GABRG3: variants seen among roughly 807,000 people sequenced by gnomAD.
GABRG3 encodes gamma-aminobutyric acid receptor subunit gamma-3.
Under a neutral mutation model 48.8 loss-of-function variants are expected in GABRG3, and 25 were observed. The observed-to-expected ratio is 0.51, with a 90% CI of 0.37 to 0.72. The LOEUF is 0.72. Among genes scored for constraint, GABRG3 ranks in the 30% least tolerant of loss-of-function variants. The probability of loss-of-function intolerance (pLI) is 0.00; values close to 1 mark genes in which losing one functional copy is unlikely to be tolerated. For missense variants in GABRG3, 394 were observed against 577.9 expected (o/e 0.68, Z 3.26); for synonymous variants, 227 against 217.6 (o/e 1.04, Z -0.38).
intron 3 of GABRG3, among the ~76,000 whole-genome samples, chr15:27,271,164 G>A (rs964912129): frequency 3.3e-5 from 5 of 152,204 alleles, no homozygotes; most frequent in Non-Finnish European, 5.9e-5. Flanking sequence ...AGGAGGTCCT[G>A]CAGACAACAA....
chr15:27,428,544 T>C (rs190494690), intron 5 of GABRG3, among the ~76,000 whole-genome samples: 1 of 152,268 alleles, frequency 6.6e-6, no homozygotes, highest in Non-Finnish European at 1.5e-5. Flanking sequence ...TGCCAATTTA[T>C]TGACACTTTT....
intron 3 of GABRG3, among the ~76,000 whole-genome samples, chr15:27,036,729 T>C (rs1406219775): frequency 6.6e-6 from 1 of 152,140 alleles, no homozygotes; most frequent in East Asian, 1.9e-4. Context: ...ACACTGACTA[T>C]GTGAGGGGTT....
At chr15:27,226,657 A>C (rs995758919) in intron 3 of GABRG3, among the ~76,000 whole-genome samples, 1 of 152,216 alleles carries the variant, frequency 6.6e-6, no homozygotes, top group Non-Finnish European at 1.5e-5. Flanking sequence ...TATGCGGGGC[A>C]GTTGGCTGCC....
intron 2 of GABRG3, among the ~76,000 whole-genome samples, chr15:27,005,099 A>G (rs1293130001): frequency 6.6e-6 from 1 of 152,198 alleles, no homozygotes; most frequent in Non-Finnish European, 1.5e-5. Flanking sequence ...TACAGGTGGT[A>G]TAACAGTTTT....
At position 27,531,686 on chromosome 15, in the gene GABRG3, G is replaced by C. The variant is rs78061133; in HGVS notation, c.1123-914G>C. The stretch of plus-strand genomic sequence containing the variant: ...CCATTATTCAGTCCAATTTAGAAAC[G>C]TATCCCCTTAACAGAATTCAATGTA... On this transcript the variant is annotated intron_variant, in intron 9 of 9. Coordinates refer to ENST00000615808, the MANE Select transcript of GABRG3 (RefSeq NM_033223.5). Among the ~76,000 whole-genome samples, 5 of 152,288 alleles carry C rather than the reference G, an allele frequency of 3.3e-5. No homozygotes were observed. In the South Asian group the frequency reaches 8.3e-4, roughly 25 times the overall value.
intron 5 of GABRG3, among the ~76,000 whole-genome samples, chr15:27,427,906 A>G (rs1012457731): frequency 1.3e-5 from 2 of 152,154 alleles, no homozygotes; most frequent in Non-Finnish European, 2.9e-5. Flanking sequence ...TTTTTGAGAC[A>G]TGGACTCGCT....
intron 5 of GABRG3, among the ~76,000 whole-genome samples, chr15:27,415,474 C>T: frequency 6.6e-6 from 1 of 151,966 alleles, no homozygotes; most frequent in Non-Finnish European, 1.5e-5. Flanking sequence ...TTAGCATATT[C>T]ATCATTGTAG....
intron 5 of GABRG3, among the ~76,000 whole-genome samples, chr15:27,347,126 C>T (rs1894402130): frequency 6.6e-6 from 1 of 151,968 alleles, no homozygotes; most frequent in South Asian, 2.1e-4. Flanking sequence ...GCTTTGGGTG[C>T]CAGAGGCTTA....
At chr15:27,381,142 A>G (rs1895762798) in intron 5 of GABRG3, among the ~76,000 whole-genome samples, 1 of 151,910 alleles carries the variant, frequency 6.6e-6, no homozygotes, top group Admixed American at 6.6e-5. Flanking sequence ...ACAATTCTCC[A>G]TTGTTGCCCC....
rs141446819 is a variant in GABRG3, at chr15:27,328,806, G to T, written c.492G>T (p.Arg164Ser). ...WNDGKILYTLRLTINAECQLQ... is the reference protein window; with the variant it reads ...WNDGKILYTLSLTINAECQLQ... ...AGACTGACACTTGGCTTTTTCGCAG[G>T]CTCACCATCAATGCTGAGTGCCAGC... The change falls in exon 5 of 10, where the codon AGG (arginine) becomes AGT (serine). Residue 164 changes from arginine to serine, a missense_variant and splice_region_variant. Arg to Ser is a moderately radical substitution (Grantham distance 110). Around this residue, in one of 3 missense-constraint regions of GABRG3, gnomAD observed 218 missense variants for 309.9 expected, o/e 0.70. Transcript: ENST00000615808. The T allele has an allele frequency of 6.2e-7, 1 of 1,613,730 alleles. No homozygotes were observed. The highest frequency in any genetic ancestry group is 2.2e-5 in the East Asian group (1 of 44,870).
chr15:27,147,091 G>A (rs183407409), intron 3 of GABRG3, among the ~76,000 whole-genome samples: 419 of 152,068 alleles, frequency 2.8e-3, no homozygotes, highest in Admixed American at 6.2e-3. Context: ...AAGGACAGAA[G>A]TAAGATATAC....
rs1566771837 is a variant in GABRG3, at chr15:27,307,738, C to CCT, written c.271-19071_271-19070insCT. On this transcript the variant is annotated intron_variant, in intron 3 of 9. Transcript: ENST00000615808. ...ATAGGTTTATATATAAATATATAATCATAGGTTTATATATAAACATATAAA... is the reference window on the plus strand; with the variant it reads ...ATAGGTTTATATATAAATATATAATCCTATAGGTTTATATATAAACATATAAA... Among the ~76,000 whole-genome samples the CCT allele has an allele frequency of 6.6e-5, 8 of 120,400 alleles. 1 individual carries two copies. Among genetic ancestry groups the CCT allele is most frequent in the African/African-American group, 2.6e-4 (8 of 31,082 alleles). 79.0% of individuals were successfully genotyped at this position (120,400 alleles called of 152,430 possible). A position where few individuals can be genotyped will look rare whatever the true frequency, so the allele number is the denominator to read the frequency against.
rs137980141 is a variant in GABRG3, at chr15:27,383,929, T to A, written c.574+55041T>A. ...CAAAGCAGAGTGATGCATTCAGTAG[T>A]GGAATGTTGGTGGAGGCCAAACAAC... On this transcript the variant is annotated intron_variant, in intron 5 of 9. Coordinates refer to ENST00000615808, the MANE Select transcript of GABRG3 (RefSeq NM_033223.5). 1.6e-3 allele frequency among the ~76,000 whole-genome samples: 245 copies of A among 152,298 alleles called. 2 individuals are homozygous for A. Among genetic ancestry groups the A allele is most frequent in the Non-Finnish European group, 2.6e-3 (179 of 68,020 alleles).
At chr15:27,050,028 C>T (rs181004929) in intron 3 of GABRG3, among the ~76,000 whole-genome samples, 141 of 152,268 alleles carry the variant, frequency 9.3e-4, no homozygotes, top group African/African-American at 2.6e-3. Context: ...TGTTCTGAGA[C>T]GGGCCTTTCC....
intron 3 of GABRG3, among the ~76,000 whole-genome samples, chr15:27,138,020 G>A (rs1423479794): frequency 1.3e-5 from 2 of 152,096 alleles, no homozygotes; most frequent in African/African-American, 2.4e-5. Context: ...TTTCCTTTGT[G>A]CTCATTTAAC....
intron 3 of GABRG3, among the ~76,000 whole-genome samples, chr15:27,085,953 A>G (rs1302278759): frequency 6.6e-6 from 1 of 152,184 alleles, no homozygotes; most frequent in Non-Finnish European, 1.5e-5. Flanking sequence ...CTAACATTTT[A>G]AACATTTCAT....
chr15:27,001,162 T>A (rs771724065), intron 2 of GABRG3, among the ~76,000 whole-genome samples: 2 of 152,254 alleles, frequency 1.3e-5, no homozygotes, highest in Non-Finnish European at 2.9e-5. Context: ...CGTCCTTCAT[T>A]GCCTGATATA....
intron 2 of GABRG3, among the ~76,000 whole-genome samples, chr15:26,977,981 A>G (rs1435198727): frequency 6.6e-6 from 1 of 152,206 alleles, no homozygotes; most frequent in Non-Finnish European, 1.5e-5. Context: ...CCTCACCAGC[A>G]ACTGGTATTT....
At chr15:27,217,494 G>A (rs947866889) in intron 3 of GABRG3, among the ~76,000 whole-genome samples, 2 of 152,132 alleles carry the variant, frequency 1.3e-5, no homozygotes, top group African/African-American at 4.8e-5. Flanking sequence ...CCTTCTGATG[G>A]TCTTGTCCAT....
Sources: gnomAD v4.1 joint callset for allele counts (sites outside exome capture counted in the v4.1 genomes callset) on GRCh38, gnomAD v4.1.1 for gene constraint, gnomAD v4.1.1 regional missense constraint, MANE v1.5 for transcripts, NCBI Gene and HGNC (gene_info 2026-07-23, HGNC 2026-07-21) for gene names.